Variants in NCK1 observed in about 807,000 individuals in gnomAD.
NCK1 encodes NCK adaptor protein 1.
Under a neutral mutation model 36.6 loss-of-function variants are expected in NCK1, and 19 were observed. The observed-to-expected ratio is 0.52, with a 90% CI of 0.36 to 0.76. The LOEUF is 0.76. NCK1 is among the 30% of genes least tolerant of loss of function. NCK1 has a pLI of 0.00. For missense variants in NCK1, 358 were observed against 445.6 expected, an observed-to-expected ratio of 0.80 and a Z score of 1.77; for synonymous variants, 165 against 156.0, an observed-to-expected ratio of 1.06 and a Z score of -0.43.
At chr3:136,883,057 T>C (rs866771789) in intron 1 of NCK1, among the ~76,000 whole-genome samples, 8 of 152,184 alleles carry the variant, frequency 5.3e-5, no homozygotes, top group South Asian at 4.1e-4. Flanking sequence ...TAGCTGGGAT[T>C]ACAGGCATGC....
intron 2 of NCK1, among the ~76,000 whole-genome samples, chr3:136,933,154 C>T (rs1940438496): frequency 6.6e-6 from 1 of 152,200 alleles, no homozygotes; most frequent in Non-Finnish European, 1.5e-5. Context: ...AATGTAGGTA[C>T]TAAAACTCTC....
chr3:136,918,342 GA>G (rs71626032), intron 1 of NCK1, among the ~76,000 whole-genome samples: 4 of 149,526 alleles, frequency 2.7e-5, no homozygotes, highest in East Asian at 2.0e-4. Flanking sequence ...AAATATTCTG[GA>G]AAAAAAAATA....
chr3:136,867,033 C>G (rs1189739466), intron 1 of NCK1, among the ~76,000 whole-genome samples: 12 of 149,790 alleles, frequency 8.0e-5, no homozygotes, highest in African/African-American at 2.7e-4. Context: ...TTTTCCTGTT[C>G]CCTATGTTGC....
intron 1 of NCK1, among the ~76,000 whole-genome samples, chr3:136,897,499 T>C (rs1312305500): frequency 1.3e-5 from 2 of 152,236 alleles, no homozygotes. Context: ...TTTTTTCATA[T>C]ACTTGTTTGC....
At chr3:136,871,384 C>T (rs1273405385) in intron 1 of NCK1, among the ~76,000 whole-genome samples, 2 of 151,748 alleles carry the variant, frequency 1.3e-5, no homozygotes, top group Non-Finnish European at 2.9e-5. Flanking sequence ...GGGGACAGAG[C>T]GAGACGCTGT....
intron 1 of NCK1, among the ~76,000 whole-genome samples, chr3:136,911,866 T>A (rs555084850): frequency 6.7e-6 from 1 of 148,512 alleles, no homozygotes; most frequent in Non-Finnish European, 1.5e-5. Context: ...TAGCTGACAG[T>A]TTTTTTTTTA....
chr3:136,899,742 C>T (rs891761684), intron 1 of NCK1: 48 of 1,014,862 alleles, frequency 4.7e-5, no homozygotes, highest in Non-Finnish European at 7.2e-5. Flanking sequence ...TCTACTATTG[C>T]CATGTTTTTC....
chr3:136,870,983 A>T (rs1938600684), intron 1 of NCK1, among the ~76,000 whole-genome samples: 1 of 152,084 alleles, frequency 6.6e-6, no homozygotes, highest in South Asian at 2.1e-4. Flanking sequence ...AGGTGTGTGT[A>T]TGTGTTTTGC....
rs947659262 is a variant in NCK1, at chr3:136,927,938, A to C, written c.-18-46A>C. 3 of 1,324,272 alleles carry C rather than the reference A, an allele frequency of 2.3e-6. No homozygotes were observed. In the African/African-American group the frequency reaches 4.4e-5, roughly 19 times the overall value. The allele number at this position is 1,324,272 out of a possible 1,614,324, so 82.0% of individuals were successfully genotyped here. ...GTCTCTTTTGAAAAGCATGTGAACT[A>C]ATACTACCTCAACCTTACATAAAAA... On this transcript the variant is annotated intron_variant, in intron 1 of 3. Coordinates refer to ENST00000481752, the MANE Select transcript of NCK1 (RefSeq NM_001291999.2).
intron 2 of NCK1, among the ~76,000 whole-genome samples, chr3:136,933,313 G>C (rs975009557): frequency 1.3e-5 from 2 of 152,202 alleles, no homozygotes; most frequent in African/African-American, 4.8e-5. Context: ...AAACTTGGAT[G>C]CTTCCAAATG....
intron 1 of NCK1, among the ~76,000 whole-genome samples, chr3:136,902,165 G>A (rs9878117): frequency 0.68 from 100,987 of 148,178 alleles, 34,770 homozygotes; most frequent in East Asian, 0.87. Flanking sequence ...ATAGTTTCCA[G>A]AGTTCTTCTT....
chr3:136,884,627 G>C (rs1366440254), intron 1 of NCK1, among the ~76,000 whole-genome samples: 1 of 152,066 alleles, frequency 6.6e-6, no homozygotes, highest in Non-Finnish European at 1.5e-5. Context: ...TTTTAGTAGA[G>C]ATGGGGTTTC....
chr3:136,929,979 ATC>A (rs1940351197), intron 2 of NCK1, among the ~76,000 whole-genome samples: 1 of 152,166 alleles, frequency 6.6e-6, no homozygotes, highest in Admixed American at 6.5e-5. Context: ...GTCTTAGGAA[ATC>A]TCTGTTAACT....
intron 1 of NCK1, among the ~76,000 whole-genome samples, chr3:136,909,239 A>G (rs927206889): frequency 7.2e-5 from 11 of 152,214 alleles, no homozygotes; most frequent in African/African-American, 2.7e-4. Context: ...CAGAGAAGGG[A>G]GTCACTGACT....
rs201351324 is a variant in NCK1 at position 136,945,584 on chromosome 3, C to T, written c.228C>T (p.Gly76=). The change falls in exon 3 of 4, where the codon GGC becomes GGT. Residue 76 remains glycine, a splice_region_variant and synonymous_variant. Transcript: ENST00000481752. ...CATGGCCCTTTTTAATTTCAACAGG[C>T]ATTGGAAAAGTGAAAAGAAAACCTA... is the stretch of plus-strand genomic sequence containing the variant. ...SIVKNLKDTL[G]IGKVKRKPSV... The T allele has an allele frequency of 3.4e-5, 54 of 1,589,616 alleles. No individual in the cohort carries two copies. In the South Asian group the frequency reaches 5.1e-4, roughly 15 times the overall value.
intron 1 of NCK1, among the ~76,000 whole-genome samples, chr3:136,908,046 A>G (rs1939733964): frequency 6.6e-6 from 1 of 152,216 alleles, no homozygotes; most frequent in Non-Finnish European, 1.5e-5. Flanking sequence ...CTGAAAGTCC[A>G]GTAGTTAAAG....
At chr3:136,874,486 C>T (rs1398933168) in intron 1 of NCK1, among the ~76,000 whole-genome samples, 1 of 152,174 alleles carries the variant, frequency 6.6e-6, no homozygotes, top group Non-Finnish European at 1.5e-5. Context: ...GGCCCGTTTA[C>T]AGGTCTTTAA....
intron 1 of NCK1, among the ~76,000 whole-genome samples, chr3:136,914,854 TC>T (rs1417817816): frequency 6.6e-6 from 1 of 152,166 alleles, no homozygotes; most frequent in African/African-American, 2.4e-5. Flanking sequence ...TGGGAGTGGA[TC>T]CCTCATAATA....
At chr3:136,944,406 C>T (rs1272759170) in intron 2 of NCK1, among the ~76,000 whole-genome samples, 1 of 152,094 alleles carries the variant, frequency 6.6e-6, no homozygotes, top group African/African-American at 2.4e-5. Flanking sequence ...GCATGAGCCA[C>T]CGTGCCCAGC....
Sources: gnomAD v4.1 joint callset for allele counts (sites outside exome capture counted in the v4.1 genomes callset) on GRCh38, gnomAD v4.1.1 for gene constraint, MANE v1.5 for transcripts, NCBI Gene and HGNC (gene_info 2026-07-23, HGNC 2026-07-21) for gene names.